Variants in ABCB11 observed in about 807,000 individuals in gnomAD.
ABCB11 encodes the protein bile salt export pump.
ABCB11 carries 95 observed loss-of-function variants against 148.0 expected under a neutral mutation model. The ratio of observed to expected loss-of-function variants is 0.64; its 90% CI spans 0.54 to 0.76. The LOEUF (loss-of-function observed/expected upper bound fraction) is 0.76, where lower values mean the gene tolerates loss of function less well. Among genes scored for constraint, ABCB11 ranks in the 30% least tolerant of loss-of-function variants. The pLI, the probability that ABCB11 is intolerant of heterozygous loss-of-function variation, is 0.00. For missense variants in ABCB11, 1,523 were observed against 1,617.8 expected, an observed-to-expected ratio of 0.94 and a Z score of 1.01; for synonymous variants, 591 against 555.4, an observed-to-expected ratio of 1.06 and a Z score of -0.90.
chr2:168,926,259 G>T (rs560721894), intron 26 of ABCB11, among the ~76,000 whole-genome samples: 52 of 152,186 alleles, frequency 3.4e-4, no homozygotes, highest in Non-Finnish European at 5.0e-4. Flanking sequence ...TCTGGACTTG[G>T]GTTTGGCAAA....
Position 168,993,804 on chromosome 2 carries a change from A to G in ABCB11, c.690T>C (p.Gly230=). 1 of 1,611,724 alleles carries G rather than the reference A, an allele frequency of 6.2e-7. No individual in the cohort carries two copies. The highest frequency in any genetic ancestry group is 8.5e-7 in the Non-Finnish European group (1 of 1,178,702). Residue 230 remains glycine (G), a synonymous_variant, in exon 8 of 28, where the codon GGT becomes GGC. Transcript: ENST00000650372. The part of the protein sequence containing the change: ...FIQRMTSTIC[G]FLLGFFRGWK... ...AACCCCTGAAAAATCCCAACAGGAA[A>G]CCACAGATGGTCGAGGTCATGCGCT...
At position 168,970,062 on chromosome 2, in the gene ABCB11, G is replaced by T. The variant is rs1440879842; in HGVS notation, c.1792C>A (p.Gln598Lys). Residue 598 changes from glutamine (Q) to lysine (K), a missense_variant, in exon 15 of 28, where the codon CAA (glutamine) becomes AAA (lysine). Gln to Lys is a moderately conservative substitution (Grantham distance 53). Coordinates refer to ENST00000650372, the MANE Select transcript of ABCB11 (RefSeq NM_003742.4). ...CCACAAACCTTACTCAGCACTTCTT[G>T]CACCATGGCTTCACTCTCATTGTCC... is the stretch of plus-strand genomic sequence containing the variant. ...ALDNESEAMV[Q>K]EVLSKIQHGH... The T allele has an allele frequency of 6.4e-7, 1 of 1,558,166 alleles. No individual in the cohort carries two copies. The highest frequency in any genetic ancestry group is 1.4e-5 in the African/African-American group (1 of 72,834).
At chr2:168,983,037 T>C (rs921233319) in intron 10 of ABCB11, among the ~76,000 whole-genome samples, 5 of 152,118 alleles carry the variant, frequency 3.3e-5, no homozygotes, top group African/African-American at 1.2e-4. Context: ...CACTGTACAA[T>C]GGGCAGGAAA....
At chr2:168,915,435 C>T (rs1690923106), downstream of ABCB11, among the ~76,000 whole-genome samples, 1 of 152,154 alleles carries the variant, frequency 6.6e-6, no homozygotes, top group East Asian at 1.9e-4. Flanking sequence ...TAATAAAGAT[C>T]TATTGAGTAA....
At chr2:168,957,654 A>G (rs969797618) in intron 19 of ABCB11, among the ~76,000 whole-genome samples, 2 of 151,714 alleles carry the variant, frequency 1.3e-5, no homozygotes, top group Non-Finnish European at 3.0e-5. Context: ...TCCACTTTGC[A>G]TTTTGATTAG....
At chr2:169,009,924 A>G (rs1274347724) in intron 5 of ABCB11, among the ~76,000 whole-genome samples, 1 of 152,144 alleles carries the variant, frequency 6.6e-6, no homozygotes, top group Non-Finnish European at 1.5e-5. Context: ...GCTTGCTTAT[A>G]CAAACTGAAT....
chr2:168,992,056 A>G (rs1694545884), intron 8 of ABCB11, among the ~76,000 whole-genome samples: 1 of 146,822 alleles, frequency 6.8e-6, no homozygotes, highest in South Asian at 2.1e-4. Flanking sequence ...TCACTGTGTT[A>G]CCAAGACTGG....
At chr2:168,984,278 G>T (rs889507453) in intron 10 of ABCB11, among the ~76,000 whole-genome samples, 1 of 152,014 alleles carries the variant, frequency 6.6e-6, no homozygotes, top group African/African-American at 2.4e-5. Flanking sequence ...TCATTTACAT[G>T]GTTACTTATT....
intron 1 of ABCB11, among the ~76,000 whole-genome samples, chr2:169,023,584 A>C (rs1695598879): frequency 6.6e-6 from 1 of 152,258 alleles, no homozygotes; most frequent in African/African-American, 2.4e-5. Flanking sequence ...TCTAGCCATT[A>C]AAATCAATGA....
At chr2:168,972,436 A>T (rs547245718) in intron 13 of ABCB11, among the ~76,000 whole-genome samples, 1 of 120,342 alleles carries the variant, frequency 8.3e-6, no homozygotes, top group South Asian at 2.8e-4. Context: ...AATGATCCCT[A>T]TCTTGTATAT....
downstream of ABCB11, among the ~76,000 whole-genome samples, chr2:168,918,306 C>T (rs1242603401): frequency 6.6e-6 from 1 of 152,200 alleles, no homozygotes; most frequent in African/African-American, 2.4e-5. Flanking sequence ...AGTCTCTGCC[C>T]TCAAAGACCA....
intron 18 of ABCB11, 123 bp from the exon 19 acceptor site, chr2:168,958,251 T>G: frequency 2.0e-5 from 17 of 853,250 alleles, no homozygotes; most frequent in Non-Finnish European, 2.6e-5. Context: ...CTCAAATGTC[T>G]ATGGGATATG....
In ABCB11 at chr2:168,993,816, C is replaced by T. The variant is rs777962265; in HGVS notation, c.678G>A (p.Ser226=). Residue 226 remains serine (S), a synonymous_variant, in exon 8 of 28, where the codon TCG becomes TCA. Transcript: ENST00000650372. ...QMALFIQRMT[S]TICGFLLGFF... The stretch of plus-strand genomic sequence containing the variant: ...ATCCCAACAGGAAACCACAGATGGT[C>T]GAGGTCATGCGCTGAATGAAAAGGG... 1.7e-5 allele frequency: 28 copies of T among 1,611,400 alleles called. No individual in the cohort carries two copies. The highest frequency in any genetic ancestry group is 4.5e-5 in the East Asian group (2 of 44,716).
chr2:169,028,660 T>A (rs1243617377), intron 1 of ABCB11, among the ~76,000 whole-genome samples: 1 of 151,912 alleles, frequency 6.6e-6, no homozygotes, highest in Non-Finnish European at 1.5e-5. Context: ...CTAAAGGCCA[T>A]GGGAAGCTAA....
chr2:168,975,002 T>C (rs1183350206), intron 12 of ABCB11, among the ~76,000 whole-genome samples: 1 of 146,402 alleles, frequency 6.8e-6, no homozygotes, highest in Non-Finnish European at 1.5e-5. Flanking sequence ...TTGTTATATA[T>C]ATTTATAGAT....
At chr2:168,937,326 C>T (rs778745764) in intron 21 of ABCB11, among the ~76,000 whole-genome samples, 5 of 152,144 alleles carry the variant, frequency 3.3e-5, no homozygotes, top group Non-Finnish European at 7.3e-5. Context: ...GGTGTATAAG[C>T]ACCTTTCAAG....
At chr2:169,005,181 G>A (rs1308902145) in intron 5 of ABCB11, among the ~76,000 whole-genome samples, 1 of 151,976 alleles carries the variant, frequency 6.6e-6, no homozygotes, top group Non-Finnish European at 1.5e-5. Context: ...GGTCCTATAG[G>A]GAGAATGCAA....
chr2:168,930,665 C>T lies in ABCB11; in HGVS notation c.3411G>A (p.Val1137=). Residue 1137 remains valine (V), a splice_region_variant and synonymous_variant, in exon 25 of 28, where the codon GTG becomes GTA. Coordinates refer to ENST00000650372, the MANE Select transcript of ABCB11 (RefSeq NM_003742.4). ...ERFYDPDQGK[V]MIDGHDSKKV... ...TTCTCAAAAAGGTTGCGTGGCTTACCACCTTCCCTTGATCAGGATCATAGA... is the reference window on the plus strand; with the variant it reads ...TTCTCAAAAAGGTTGCGTGGCTTACTACCTTCCCTTGATCAGGATCATAGA... 6.6e-7 allele frequency: 1 copy of T among 1,516,594 alleles called. No individual in the cohort carries two copies. Among genetic ancestry groups the T allele is most frequent in the South Asian group, 1.3e-5 (1 of 74,410 alleles). The allele number at this position is 1,516,594 out of a possible 1,614,324, so 93.9% of individuals were successfully genotyped here.
chr2:168,917,389 TG>T (rs1284462903), downstream of ABCB11, among the ~76,000 whole-genome samples: 2 of 152,232 alleles, frequency 1.3e-5, no homozygotes, highest in Non-Finnish European at 2.9e-5. Context: ...AAATCATAAA[TG>T]GTTCTTACAG....
Sources: allele counts gnomAD v4.1 joint callset (sites outside exome capture counted in the v4.1 genomes callset), GRCh38; gene constraint gnomAD v4.1.1; transcripts MANE v1.5; gene names NCBI Gene and HGNC (gene_info 2026-07-23, HGNC 2026-07-21).